The following PKD2 variants were observed in gnomAD, a reference collection of about 807,000 sequenced individuals.
PKD2 encodes the protein polycystin-2.
Under a neutral mutation model 105.9 loss-of-function variants are expected in PKD2, and 48 were observed. The observed-to-expected ratio is 0.45, with a 90% confidence interval of 0.36 to 0.58. PKD2 has a LOEUF of 0.58. PKD2 is among the 20% of genes least tolerant of loss of function. The pLI, the probability that PKD2 is intolerant of heterozygous loss-of-function variation, is 0.00. For synonymous variants in PKD2, 464 were observed against 481.1 expected (o/e 0.96, Z 0.46); for missense variants, 1,078 against 1,255.3 (o/e 0.86, Z 2.13).
Position 88,043,503 on chromosome 4 carries a change from C to A in PKD2, c.1319+46C>A. The A allele has an allele frequency of 2.2e-6, 3 of 1,346,146 alleles. 1 individual carries two copies. Among genetic ancestry groups the A allele is most frequent in the South Asian group, 2.3e-5 (2 of 85,404 alleles). 83.4% of individuals were successfully genotyped at this position (1,346,146 alleles called of 1,614,324 possible). ...TCCCTCCTATTTCTGTGTGGTTGTA[C>A]ATACATCCTATTCTGGGGTTAGCCA... On this transcript the variant is annotated intron_variant, in intron 5 of 14. Coordinates refer to ENST00000237596, the MANE Select transcript of PKD2 (RefSeq NM_000297.4).
At chr4:88,036,876 T>C (rs1727352451) in intron 3 of PKD2, among the ~76,000 whole-genome samples, 2 of 152,224 alleles carry the variant, frequency 1.3e-5, no homozygotes, top group South Asian at 4.1e-4. Flanking sequence ...TTGTTGATGA[T>C]GGCATGTATC....
intron 4 of PKD2, among the ~76,000 whole-genome samples, chr4:88,039,688 G>T (rs143352367): frequency 2.7e-5 from 4 of 148,226 alleles, no homozygotes; most frequent in Non-Finnish European, 4.5e-5. Context: ...AACAAATTTA[G>T]TGAAAATCCA....
At chr4:88,064,695 C>T (rs1208356352) in intron 10 of PKD2, among the ~76,000 whole-genome samples, 1 of 151,498 alleles carries the variant, frequency 6.6e-6, no homozygotes, top group East Asian at 1.9e-4. Flanking sequence ...AGTTCAACAC[C>T]AGCCTGGGCA....
chr4:88,060,312 C>T (rs991099355), intron 9 of PKD2, among the ~76,000 whole-genome samples: 1 of 152,104 alleles, frequency 6.6e-6, no homozygotes, highest in Admixed American at 6.6e-5. Context: ...ATATTCTATT[C>T]TCATTTCTGC....
Position 88,045,649 on chromosome 4 carries a change from C to T in PKD2, c.1320-993C>T, listed in dbSNP as rs7660876. Among the ~76,000 whole-genome samples the T allele has an allele frequency of 8.1e-3, 1,227 of 152,162 alleles. 14 individuals are homozygous for T. Among genetic ancestry groups the T allele is most frequent in the African/African-American group, 0.027 (1,134 of 41,514 alleles). On this transcript the variant is annotated intron_variant, in intron 5 of 14. Coordinates refer to ENST00000237596, the MANE Select transcript of PKD2 (RefSeq NM_000297.4). ...CCCAGCTTTCTCAGTGTGACACCTA[C>T]AAAATGGGCATTTGACAAGAAAAAA...
In PKD2 at chr4:88,042,398, A is replaced by G. The variant is rs999772589; in HGVS notation, c.1095-835A>G. 2.0e-5 allele frequency among the ~76,000 whole-genome samples: 3 copies of G among 152,178 alleles called. 1 individual carries two copies. Among genetic ancestry groups the G allele is most frequent in the Admixed American group, 2.0e-4 (3 of 15,274 alleles). On this transcript the variant is annotated intron_variant, in intron 4 of 14. Transcript: ENST00000237596. ...GGGAAAGACCTGCCCCCATGATTCA[A>G]TTACCTCCTACCGGGTTTCTCCAAC...
intron 12 of PKD2, 111 bp downstream of exon 12, chr4:88,065,990 A>T (rs1366393039): frequency 1.5e-5 from 11 of 736,074 alleles, no homozygotes; most frequent in Non-Finnish European, 2.3e-5. Context: ...TCCCCACCAC[A>T]CTCTCTCTCT....
chr4:88,018,080 T>G (rs777633331), intron 1 of PKD2, among the ~76,000 whole-genome samples: 5 of 152,226 alleles, frequency 3.3e-5, no homozygotes, highest in Non-Finnish European at 7.3e-5. Flanking sequence ...TGAACAAACA[T>G]TCTGCTTGCT....
At chr4:88,020,992 G>C (rs931079347) in intron 2 of PKD2, among the ~76,000 whole-genome samples, 1 of 152,156 alleles carries the variant, frequency 6.6e-6, no homozygotes, top group Non-Finnish European at 1.5e-5. Context: ...GCCTGGATGT[G>C]ATATTTTTAT....
intron 6 of PKD2, among the ~76,000 whole-genome samples, chr4:88,050,930 A>G (rs1324029999): frequency 6.6e-6 from 1 of 152,174 alleles, no homozygotes; most frequent in Non-Finnish European, 1.5e-5. Flanking sequence ...TCATCTCAGG[A>G]AGGGAGGGCT....
intron 4 of PKD2, among the ~76,000 whole-genome samples, chr4:88,040,086 T>C (rs1160755872): frequency 6.6e-6 from 1 of 152,130 alleles, no homozygotes; most frequent in Non-Finnish European, 1.5e-5. Context: ...TCATCTGCCT[T>C]CACAAAACAA....
rs550874030 is a variant in PKD2 at position 88,036,177 on chromosome 4, C to T, written c.710-43C>T. On this transcript the variant is annotated intron_variant, in intron 2 of 14. Coordinates refer to ENST00000237596, the MANE Select transcript of PKD2 (RefSeq NM_000297.4). Reference sequence around the variant, plus strand: ...AAGGCTGCTGGTATGTGAATGTGTGCCGGTTCCCTTGGGGCGTTCATTTGG... The same window carrying T: ...AAGGCTGCTGGTATGTGAATGTGTGTCGGTTCCCTTGGGGCGTTCATTTGG... The T allele has an allele frequency of 6.2e-6, 10 of 1,613,540 alleles. No homozygotes were observed. In the African/African-American group the frequency reaches 6.7e-5, roughly 11 times the overall value.
chr4:88,055,254 G>A (rs1418911891), intron 7 of PKD2, among the ~76,000 whole-genome samples: 1 of 152,186 alleles, frequency 6.6e-6, no homozygotes, highest in East Asian at 1.9e-4. Flanking sequence ...TGTACATAAA[G>A]CCCTCCACAT....
chr4:88,007,649 G>A lies in PKD2; in HGVS notation c.-85G>A. 1 of 901,298 alleles carries A rather than the reference G, an allele frequency of 1.1e-6. No individual in the cohort carries two copies. Among genetic ancestry groups the A allele is most frequent in the Non-Finnish European group, 1.4e-6 (1 of 736,070 alleles). The allele number at this position is 901,298 out of a possible 1,614,324, so 55.8% of individuals were successfully genotyped here. A position where few individuals can be genotyped will look rare whatever the true frequency, so the allele number is the denominator to read the frequency against. On this transcript the variant is annotated 5_prime_UTR_variant, in exon 1 of 15. Transcript: ENST00000237596. ...GGGCGGGGAGCAGGCGGCGGCGGGC[G>A]CCGGGAAGAAAGGAACATGGCTCCT...
chr4:88,007,742 C>T lies in PKD2; in HGVS notation c.9C>T (p.Asn3=), dbSNP rs773343245. 1.2e-4 allele frequency: 144 copies of T among 1,207,562 alleles called. 1 individual carries two copies. In the Middle Eastern group the frequency reaches 1.8e-3, roughly 15 times the overall value. The allele number at this position is 1,207,562 out of a possible 1,614,324, so 74.8% of individuals were successfully genotyped here. A position where few individuals can be genotyped will look rare whatever the true frequency, so the allele number is the denominator to read the frequency against. ...GGACGCCAGTGACCGCGATGGTGAACTCCAGTCGCGTGCAGCCTCAGCAGC... is the reference window on the plus strand; with the variant it reads ...GGACGCCAGTGACCGCGATGGTGAATTCCAGTCGCGTGCAGCCTCAGCAGC... MV[N]SSRVQPQQPG... is the part of the protein sequence containing the mutation. Residue 3 remains asparagine, a synonymous_variant, in exon 1 of 15, where the codon AAC becomes AAT. Transcript: ENST00000237596.
chr4:88,029,517 G>C (rs1400102925), intron 2 of PKD2, among the ~76,000 whole-genome samples: 2 of 151,806 alleles, frequency 1.3e-5, no homozygotes, highest in East Asian at 3.9e-4. Context: ...GAACACTTGG[G>C]TGTCATCCTA....
intron 9 of PKD2, among the ~76,000 whole-genome samples, chr4:88,060,937 A>C (rs1720548478): frequency 6.6e-6 from 1 of 152,252 alleles, no homozygotes; most frequent in African/African-American, 2.4e-5. Context: ...AAAACAATTA[A>C]ATAATTCTTT....
intron 2 of PKD2, among the ~76,000 whole-genome samples, chr4:88,033,784 G>A (rs1250346988): frequency 2.6e-5 from 4 of 152,214 alleles, no homozygotes; most frequent in African/African-American, 7.2e-5. Context: ...TCAATGCAAA[G>A]TACATTCCAA....
intron 4 of PKD2, among the ~76,000 whole-genome samples, chr4:88,042,059 T>C (rs1313873575): frequency 6.6e-6 from 1 of 152,228 alleles, no homozygotes; most frequent in Non-Finnish European, 1.5e-5. Context: ...CTTTATCTTA[T>C]GGGAGCCAAA....
Sources: gnomAD v4.1 joint callset for allele counts (sites outside exome capture counted in the v4.1 genomes callset) on GRCh38, gnomAD v4.1.1 for gene constraint, MANE v1.5 for transcripts, NCBI Gene and HGNC (gene_info 2026-07-23, HGNC 2026-07-21) for gene names.